MARCHF3: variants seen among roughly 807,000 people sequenced by gnomAD.
MARCHF3 encodes E3 ubiquitin-protein ligase MARCHF3.
In MARCHF3, 13 loss-of-function variants were observed where a neutral mutation model predicts 24.2. That is an observed-to-expected ratio of 0.54 (90% CI 0.35 to 0.85). MARCHF3 has a LOEUF of 0.85. Ranked by LOEUF, MARCHF3 falls within the 40% of genes least tolerant of loss-of-function variation. The pLI is 0.01. For missense variants in MARCHF3, 276 were observed against 325.0 expected (o/e 0.85, Z 1.16); for synonymous variants, 144 against 137.3 (o/e 1.05, Z -0.34).
At chr5:126,953,905 G>A (rs1163431553) in intron 1 of MARCHF3, among the ~76,000 whole-genome samples, 2 of 151,864 alleles carry the variant, frequency 1.3e-5, no homozygotes, top group Non-Finnish European at 2.9e-5. Flanking sequence ...TTATCTTTTC[G>A]TTCAATGGTC....
intron 1 of MARCHF3, among the ~76,000 whole-genome samples, chr5:126,953,437 A>G (rs951397388): frequency 1.3e-5 from 2 of 152,126 alleles, no homozygotes; most frequent in Non-Finnish European, 2.9e-5. Context: ...TCTTTGTTAG[A>G]GAACATTCTC....
intron 3 of MARCHF3, among the ~76,000 whole-genome samples, chr5:126,906,755 T>C (rs1754313737): frequency 6.6e-6 from 1 of 152,210 alleles, no homozygotes; most frequent in South Asian, 2.1e-4. Context: ...TTGTTGATCC[T>C]TTCAAAAAAC....
chr5:126,891,925 G>A (rs1483061238), intron 3 of MARCHF3, among the ~76,000 whole-genome samples: 6 of 144,946 alleles, frequency 4.1e-5, no homozygotes, highest in African/African-American at 1.5e-4. Flanking sequence ...CCATGAGCAT[G>A]GAATGTTCTT....
At chr5:126,960,230 T>C (rs1201595517) in intron 1 of MARCHF3, among the ~76,000 whole-genome samples, 1 of 152,176 alleles carries the variant, frequency 6.6e-6, no homozygotes, top group Non-Finnish European at 1.5e-5. Context: ...GCATAAGTGG[T>C]GCCATTCACC....
At chr5:127,004,326 C>T (rs769802565) in intron 1 of MARCHF3, among the ~76,000 whole-genome samples, 1 of 152,082 alleles carries the variant, frequency 6.6e-6, no homozygotes, top group Non-Finnish European at 1.5e-5. Context: ...TGCCCATTTC[C>T]GTGTGCTGCT....
intron 3 of MARCHF3, among the ~76,000 whole-genome samples, chr5:126,878,605 T>A (rs1753249853): frequency 2.6e-5 from 4 of 152,184 alleles, no homozygotes; most frequent in Admixed American, 2.6e-4. Flanking sequence ...CAATAATAAT[T>A]TATAGTGTCC....
chr5:126,882,863 T>C (rs562232854), intron 3 of MARCHF3, among the ~76,000 whole-genome samples: 183 of 152,310 alleles, frequency 1.2e-3, no homozygotes, highest in African/African-American at 4.3e-3. Context: ...TGCCATTTTA[T>C]AGATAGGGAA....
chr5:126,898,404 T>C (rs1229342846), intron 3 of MARCHF3, among the ~76,000 whole-genome samples: 1 of 152,136 alleles, frequency 6.6e-6, no homozygotes, highest in African/African-American at 2.4e-5. Context: ...ATATAAGGCA[T>C]GTCTTAAAAA....
At chr5:126,978,645 T>C (rs908324548) in intron 1 of MARCHF3, among the ~76,000 whole-genome samples, 2 of 152,230 alleles carry the variant, frequency 1.3e-5, no homozygotes, top group Admixed American at 1.3e-4. Flanking sequence ...AGACGTTTTC[T>C]TCATTCAACA....
At chr5:126,881,279 T>C (rs968803560) in intron 3 of MARCHF3, among the ~76,000 whole-genome samples, 1 of 152,182 alleles carries the variant, frequency 6.6e-6, no homozygotes, top group Non-Finnish European at 1.5e-5. Flanking sequence ...CATGGTACTA[T>C]TATGTTAAAT....
intron 1 of MARCHF3, among the ~76,000 whole-genome samples, chr5:127,000,653 G>T (rs1752096698): frequency 6.6e-6 from 1 of 152,074 alleles, no homozygotes; most frequent in African/African-American, 2.4e-5. Flanking sequence ...AGCAAAGGTG[G>T]TGATCATTCA....
At chr5:126,873,005 G>A (rs891856409) in intron 4 of MARCHF3, among the ~76,000 whole-genome samples, 1 of 152,094 alleles carries the variant, frequency 6.6e-6, no homozygotes, top group Non-Finnish European at 1.5e-5. Context: ...ATACTAATAA[G>A]GAACTTTGGC....
At chr5:126,950,043 T>A (rs1750170013) in intron 1 of MARCHF3, among the ~76,000 whole-genome samples, 1 of 152,068 alleles carries the variant, frequency 6.6e-6, no homozygotes, top group South Asian at 2.1e-4. Flanking sequence ...ATCTTTTGAC[T>A]CCCCCAGGAC....
At chr5:126,940,597 G>A (rs1580664601) in intron 1 of MARCHF3, among the ~76,000 whole-genome samples, 2 of 151,600 alleles carry the variant, frequency 1.3e-5, no homozygotes, top group East Asian at 1.9e-4. Context: ...ACAGGCACCC[G>A]CCACCACACC....
rs1161869132 is a variant in MARCHF3, at chr5:126,941,497, A to T, written c.-56-23270T>A. 3.9e-5 allele frequency among the ~76,000 whole-genome samples: 6 copies of T among 152,074 alleles called. 1 individual carries two copies. In the South Asian group the frequency reaches 1.2e-3, roughly 31 times the overall value. On this transcript the variant is annotated intron_variant, in intron 1 of 4. Coordinates refer to ENST00000308660, the MANE Select transcript of MARCHF3 (RefSeq NM_178450.5). ...GGAAAAATTTACACTTGTTAAAAAC[A>T]GTTTTCAGAATTATGCTTGGGTTTT...
At chr5:127,027,152 A>G (rs1753024889) in intron 1 of MARCHF3, among the ~76,000 whole-genome samples, 1 of 152,242 alleles carries the variant, frequency 6.6e-6, no homozygotes, top group Non-Finnish European at 1.5e-5. Flanking sequence ...CAGTGCTCTC[A>G]GTGAAAGGGG....
At chr5:126,942,614 A>G (rs1749869636) in intron 1 of MARCHF3, among the ~76,000 whole-genome samples, 1 of 152,250 alleles carries the variant, frequency 6.6e-6, no homozygotes, top group South Asian at 2.1e-4. Flanking sequence ...AGGATAAGCC[A>G]TTCATATTAG....
chr5:126,919,818 G>A (rs936419392), intron 1 of MARCHF3, among the ~76,000 whole-genome samples: 3 of 152,142 alleles, frequency 2.0e-5, no homozygotes, highest in Admixed American at 6.5e-5. Context: ...GCTGCCTGGC[G>A]TCCTCTCAGG....
intron 3 of MARCHF3, among the ~76,000 whole-genome samples, chr5:126,890,175 T>A (rs760242277): frequency 5.9e-5 from 9 of 152,176 alleles, no homozygotes; most frequent in Non-Finnish European, 1.0e-4. Flanking sequence ...TCTATTTTGC[T>A]GGTCTTACTT....
Sources: gnomAD v4.1 joint callset for allele counts (sites outside exome capture counted in the v4.1 genomes callset) on GRCh38, gnomAD v4.1.1 for gene constraint, MANE v1.5 for transcripts, NCBI Gene and HGNC (gene_info 2026-07-23, HGNC 2026-07-21) for gene names.